Variants in TRAPPC9 observed in about 807,000 individuals in gnomAD.
TRAPPC9 encodes the protein trafficking protein particle complex subunit 9, also known as IKK2 binding protein.
A neutral mutation model predicts 124.0 loss-of-function variants in TRAPPC9; 83 were observed. That is an observed-to-expected ratio of 0.67 (90% CI 0.56 to 0.80). TRAPPC9 has a LOEUF of 0.80. TRAPPC9 is among the 30% of genes least tolerant of loss of function. The probability of loss-of-function intolerance (pLI) is 0.00; values close to 1 mark genes in which losing one functional copy is unlikely to be tolerated. For missense variants in TRAPPC9, 1,302 were observed against 1,508.3 expected (o/e 0.86, Z 2.27); for synonymous variants, 638 against 617.5 (o/e 1.03, Z -0.49).
At chr8:139,939,943 C>G (rs1833800304) in intron 19 of TRAPPC9, among the ~76,000 whole-genome samples, 1 of 152,266 alleles carries the variant, frequency 6.6e-6, no homozygotes, top group South Asian at 2.1e-4. Flanking sequence ...ACAGCTCCAG[C>G]TCCTGATCTC....
At chr8:139,763,286 T>TA (rs1370671474) in intron 21 of TRAPPC9, among the ~76,000 whole-genome samples, 1 of 152,226 alleles carries the variant, frequency 6.6e-6, no homozygotes, top group Non-Finnish European at 1.5e-5. Context: ...CTGGCGAATA[T>TA]AAAGCTCATG....
At chr8:139,948,205 C>T (rs1013856544) in intron 19 of TRAPPC9, among the ~76,000 whole-genome samples, 4 of 150,030 alleles carry the variant, frequency 2.7e-5, no homozygotes, top group East Asian at 2.0e-4. Context: ...GCGAACAAAA[C>T]GAAGAGCCCT....
At chr8:139,925,072 C>T (rs922672171) in intron 19 of TRAPPC9, among the ~76,000 whole-genome samples, 2 of 152,164 alleles carry the variant, frequency 1.3e-5, no homozygotes, top group African/African-American at 2.4e-5. Flanking sequence ...GGAAAGCTCC[C>T]GAAAAGCACA....
chr8:139,948,256 C>CACAT (rs1294509305), intron 19 of TRAPPC9, among the ~76,000 whole-genome samples: 2 of 28,704 alleles, frequency 7.0e-5, no homozygotes, highest in Non-Finnish European at 3.5e-4. Context: ...AAAACACACA[C>CACAT]ACACACACAC....
rs1029088752 is a variant in TRAPPC9, at chr8:139,825,573, T to A, written c.3055+60306A>T. 6.6e-6 allele frequency among the ~76,000 whole-genome samples: 1 copy of A among 152,106 alleles called. No individual in the cohort carries two copies. The highest frequency in any genetic ancestry group is 2.4e-5 in the African/African-American group (1 of 41,422). ...TAATCCCTTTGGGATCAATTAATGT[T>A]CCCAAGAAAAATGGAAATTTAATTT... On this transcript the variant is annotated intron_variant, in intron 21 of 22. Coordinates refer to ENST00000438773, the MANE Select transcript of TRAPPC9 (RefSeq NM_001160372.4). This position sits in a 1 kb window ranked among gnomAD's most constrained non-coding sequence, Gnocchi z 4.6.
intron 21 of TRAPPC9, among the ~76,000 whole-genome samples, chr8:139,798,869 C>T (rs568217887): frequency 6.4e-4 from 98 of 152,292 alleles, no homozygotes; most frequent in African/African-American, 9.4e-4. Flanking sequence ...TCAGAACCAC[C>T]GGGCCGAGTC....
At chr8:140,125,587 C>CTTTTTTTTTTTTTTTTTTT (rs11292333) in intron 17 of TRAPPC9, among the ~76,000 whole-genome samples, 6 of 67,820 alleles carry the variant, frequency 8.8e-5, no homozygotes, top group Admixed American at 2.3e-4. Flanking sequence ...GAATCTCATT[C>CTTTTTTTTTTTTTTTTTTT]TTTTTTTTTT....
chr8:140,033,673 T>TTTTGTTTTTTTTTTTTTTTTGTTTTTG (rs1554611622), intron 17 of TRAPPC9, among the ~76,000 whole-genome samples: 1 of 76,732 alleles, frequency 1.3e-5, no homozygotes, highest in Non-Finnish European at 2.6e-5. Flanking sequence ...TTTTTTTTTT[T>TTTTGTTTTTTTTTTTTTTTTGTTTTTG]TTTTTTTTTT....
intron 17 of TRAPPC9, among the ~76,000 whole-genome samples, chr8:140,117,651 G>T (rs138418324): frequency 6.6e-6 from 1 of 152,126 alleles, no homozygotes; most frequent in Non-Finnish European, 1.5e-5. Context: ...AAATCTCAAC[G>T]TGAGTTTTGG....
chr8:140,316,939 C>CATTCT (rs1313585852), intron 9 of TRAPPC9, among the ~76,000 whole-genome samples: 1 of 152,172 alleles, frequency 6.6e-6, no homozygotes, highest in Non-Finnish European at 1.5e-5. Flanking sequence ...CTTCATGATT[C>CATTCT]ATTCTTGGCA....
intron 21 of TRAPPC9, among the ~76,000 whole-genome samples, chr8:139,838,746 A>G (rs1306157794): frequency 6.6e-6 from 1 of 152,160 alleles, no homozygotes; most frequent in Non-Finnish European, 1.5e-5. Context: ...GACCGCATCA[A>G]AGGTATTTTT....
chr8:139,897,235 AG>A (rs780425559), intron 20 of TRAPPC9, among the ~76,000 whole-genome samples: 1 of 152,092 alleles, frequency 6.6e-6, no homozygotes, highest in Non-Finnish European at 1.5e-5. Flanking sequence ...AGTCCATTAC[AG>A]TTTGCTCACA....
chr8:140,297,370 A>G (rs1047933320), intron 11 of TRAPPC9, among the ~76,000 whole-genome samples: 1 of 151,994 alleles, frequency 6.6e-6, no homozygotes, highest in African/African-American at 2.4e-5. Flanking sequence ...ATACACGCAT[A>G]CACACAATAT....
At chr8:140,341,728 G>A (rs2067200605) in intron 9 of TRAPPC9, among the ~76,000 whole-genome samples, 1 of 151,600 alleles carries the variant, frequency 6.6e-6, no homozygotes, top group Admixed American at 6.6e-5. Flanking sequence ...TCTACCAAAA[G>A]GTGTCAAGGA....
chr8:140,070,702 G>A (rs1843115436), intron 17 of TRAPPC9, among the ~76,000 whole-genome samples: 1 of 152,170 alleles, frequency 6.6e-6, no homozygotes, highest in South Asian at 2.1e-4. Flanking sequence ...AGATCAGGCT[G>A]CTCACCAGCA....
chr8:139,999,143 A>C (rs1350007086), intron 18 of TRAPPC9, among the ~76,000 whole-genome samples: 1 of 152,206 alleles, frequency 6.6e-6, no homozygotes, highest in African/African-American at 2.4e-5. Flanking sequence ...ATTAAATATA[A>C]ATGACTTAAA....
At chr8:140,429,955 T>C (rs1177642925) in intron 4 of TRAPPC9, among the ~76,000 whole-genome samples, 2 of 152,050 alleles carry the variant, frequency 1.3e-5, no homozygotes, top group Admixed American at 1.3e-4. Flanking sequence ...GAGACCAGCT[T>C]GGCCAACATA....
At chr8:140,368,945 A>G (rs1360719085) in intron 8 of TRAPPC9, among the ~76,000 whole-genome samples, 1 of 152,230 alleles carries the variant, frequency 6.6e-6, no homozygotes, top group Non-Finnish European at 1.5e-5. Context: ...GATTTCGCAA[A>G]GTATAGCTGC....
rs2070920758 is a variant in TRAPPC9, at chr8:140,439,119, G to A, written c.663C>T (p.Asp221=). 1 of 1,614,184 alleles carries A rather than the reference G, an allele frequency of 6.2e-7. No homozygotes were observed. The highest frequency in any genetic ancestry group is 8.5e-7 in the Non-Finnish European group (1 of 1,180,022). ...CCGACATGTGGTAATGCACCAGGGA[G>A]TCCTGCAGCATCCCTGCCTGCAGGC... ...DLCLQAGMLQ[D]SLVHYHMSVE... is the part of the protein sequence containing the mutation. Residue 221 remains aspartate (D), a synonymous_variant, in exon 3 of 23, where the codon GAC becomes GAT. Transcript: ENST00000438773.
Sources: gnomAD v4.1 joint callset for allele counts (sites outside exome capture counted in the v4.1 genomes callset) on GRCh38, gnomAD v4.1.1 for gene constraint, Gnocchi (gnomAD v3.1) non-coding constraint, MANE v1.5 for transcripts, NCBI Gene and HGNC (gene_info 2026-07-23, HGNC 2026-07-21) for gene names.